DNAH11: variants seen among roughly 807,000 people sequenced by gnomAD.
The protein encoded by DNAH11 is dynein axonemal heavy chain 11.
In DNAH11, 442 loss-of-function variants were observed where a neutral mutation model predicts 526.0. The observed-to-expected ratio is 0.84, with a 90% CI of 0.78 to 0.91. The LOEUF is 0.91. Ranked by LOEUF, DNAH11 falls within the 40% of genes least tolerant of loss-of-function variation. DNAH11 has a pLI of 0.00. For synonymous variants in DNAH11, 2,461 were observed against 1,935.9 expected, an observed-to-expected ratio of 1.27 and a Z score of -7.12; for missense variants, 6,989 against 5,448.7, an observed-to-expected ratio of 1.28 and a Z score of -8.90.
chr7:21,621,908 C>T (rs148124372), intron 25 of DNAH11, among the ~76,000 whole-genome samples: 1,774 of 152,096 alleles, frequency 0.012, 73 homozygotes, highest in South Asian at 0.072. Flanking sequence ...AAAACTGGCA[C>T]GAGACAGGGA....
At chr7:21,601,255 T>G (rs1785072365) in intron 17 of DNAH11, 76 bp downstream of exon 17, 10 of 1,498,998 alleles carry the variant, frequency 6.7e-6, no homozygotes, top group Admixed American at 2.2e-5. Flanking sequence ...CTTTTAAGCG[T>G]ATTAATGTTG....
Position 21,620,166 on chromosome 7 carries a change from G to C in DNAH11, c.4500+88G>C, listed in dbSNP as rs1020487532. The stretch of plus-strand genomic sequence containing the variant: ...TATATAGGGTACCATGTGATGTTTT[G>C]ATGTATGTTTACAATGTGGAAAGAT... On this transcript the variant is annotated intron_variant, in intron 25 of 81. Transcript: ENST00000409508. 7.1e-6 allele frequency: 8 copies of C among 1,122,250 alleles called. No homozygotes were observed. The Admixed American group carries it at 1.4e-4, about 19-fold the overall frequency. 69.5% of individuals were successfully genotyped at this position (1,122,250 alleles called of 1,614,324 possible).
chr7:21,702,964 G>C (rs958016771), intron 37 of DNAH11, among the ~76,000 whole-genome samples, 162 bp downstream of exon 37: 2 of 152,146 alleles, frequency 1.3e-5, no homozygotes, highest in African/African-American at 4.8e-5. Flanking sequence ...CTTATAAGAG[G>C]TCACAAGTGG....
chr7:21,627,056 T>G (rs1198773556), intron 25 of DNAH11, among the ~76,000 whole-genome samples: 1 of 152,100 alleles, frequency 6.6e-6, no homozygotes, highest in Non-Finnish European at 1.5e-5. Flanking sequence ...CCTGTGTGTC[T>G]TCTTTTGAGA....
chr7:21,670,357 T>C (rs866653233), intron 30 of DNAH11, among the ~76,000 whole-genome samples: 2 of 152,140 alleles, frequency 1.3e-5, no homozygotes, highest in Non-Finnish European at 2.9e-5. Context: ...TAGAAATTTA[T>C]TGATTTTTAA....
At position 21,600,840 on chromosome 7, in the gene DNAH11, T is replaced by C. The variant is rs551896169; in HGVS notation, c.3165T>C (p.Tyr1055=). 19 of 1,613,972 alleles carry C rather than the reference T, an allele frequency of 1.2e-5. No individual in the cohort carries two copies. In the African/African-American group the frequency reaches 2.1e-4, roughly 18 times the overall value. Residue 1055 remains tyrosine (Y), a synonymous_variant, in exon 16 of 82, where the codon TAT becomes TAC. Transcript: ENST00000409508. ...AGTTTATGAAGCATTTTCTCTTGTA[T>C]GGCCATGCTGTGTCTTCCGATGAAA... ...RAEFMKHFLL[Y]GHAVSSDEMD...
Position 21,600,859 on chromosome 7 carries a change from G to A in DNAH11, c.3184G>A (p.Asp1062Asn), listed in dbSNP as rs371880343. The change falls in exon 16 of 82, where the codon GAT (aspartate) becomes AAT (asparagine). Residue 1062 changes from aspartate (D) to asparagine (N), a missense_variant. Transcript: ENST00000409508. The part of the protein sequence containing the change: ...FLLYGHAVSS[D>N]EMDAHANEEI... Reference sequence around the variant, plus strand: ...CTTGTATGGCCATGCTGTGTCTTCCGATGAAATGGATGCTCATGCAAATGA... The same window carrying A: ...CTTGTATGGCCATGCTGTGTCTTCCAATGAAATGGATGCTCATGCAAATGA... The A allele has an allele frequency of 1.9e-5, 31 of 1,613,810 alleles. No individual in the cohort carries two copies. The highest frequency in any genetic ancestry group is 4.5e-5 in the East Asian group (2 of 44,886).
At chr7:21,727,572 A>G (rs1437390588) in intron 45 of DNAH11, among the ~76,000 whole-genome samples, 3 of 152,212 alleles carry the variant, frequency 2.0e-5, no homozygotes, top group Non-Finnish European at 4.4e-5. Context: ...AGATTCAGGT[A>G]TTCTTTGATC....
At chr7:21,617,261 A>T (rs1483267825) in intron 22 of DNAH11, among the ~76,000 whole-genome samples, 1 of 152,222 alleles carries the variant, frequency 6.6e-6, no homozygotes, top group Non-Finnish European at 1.5e-5. Context: ...ATTCCGAAGG[A>T]GGTCTTAGTA....
Position 21,750,311 on chromosome 7 carries a change from T to C in DNAH11, c.8887T>C (p.Ser2963Pro). ...AGTTCATGCTCTGGGCATGGTAGAC[T>C]CCAGGGAAAACTGTTGGAAATTCTT... Reference protein sequence around the residue: ...NEVHALGMVDSRENCWKFFMA... With the variant: ...NEVHALGMVDPRENCWKFFMA... Residue 2963 changes from serine to proline, a missense_variant, in exon 54 of 82, where the codon TCC becomes CCC. Transcript: ENST00000409508. 1 of 1,606,014 alleles carries C rather than the reference T, an allele frequency of 6.2e-7. No individual in the cohort carries two copies. Among genetic ancestry groups the C allele is most frequent in the Non-Finnish European group, 8.5e-7 (1 of 1,176,092 alleles).
intron 28 of DNAH11, among the ~76,000 whole-genome samples, chr7:21,642,257 A>G (rs939236224): frequency 5.5e-5 from 7 of 127,554 alleles, no homozygotes; most frequent in African/African-American, 1.2e-4. Context: ...AAGGTCTATC[A>G]TTAGAAGTGT....
intron 48 of DNAH11, among the ~76,000 whole-genome samples, chr7:21,740,231 A>G (rs992808420): frequency 6.6e-6 from 1 of 152,172 alleles, no homozygotes; most frequent in Non-Finnish European, 1.5e-5. Flanking sequence ...TGTAAAATAC[A>G]TGTTACAAAA....
Position 21,700,694 on chromosome 7 carries a change from G to A in DNAH11, c.6181-2016G>A, listed in dbSNP as rs191130729. Reference sequence around the variant, plus strand: ...CTGCAGCACTATTTACAGTAGCAAAGACTTGGAACCAACCCAAATGGCCAT... The same window carrying A: ...CTGCAGCACTATTTACAGTAGCAAAAACTTGGAACCAACCCAAATGGCCAT... On this transcript the variant is annotated intron_variant, in intron 36 of 81. Transcript: ENST00000409508. 1.3e-3 allele frequency among the ~76,000 whole-genome samples: 192 copies of A among 152,198 alleles called. 2 individuals are homozygous for A. In the Middle Eastern group the frequency reaches 0.014, roughly 11 times the overall value.
chr7:21,629,347 C>T (rs1405569749), intron 25 of DNAH11, among the ~76,000 whole-genome samples: 1 of 151,988 alleles, frequency 6.6e-6, no homozygotes, highest in African/African-American at 2.4e-5. Flanking sequence ...CTGGAGAATC[C>T]ATGTGCTGAC....
intron 61 of DNAH11, among the ~76,000 whole-genome samples, chr7:21,793,898 G>C (rs73277735): frequency 0.015 from 2,231 of 152,236 alleles, 63 homozygotes; most frequent in African/African-American, 0.05. Context: ...TTGAACTCCA[G>C]TGACTGTTAG....
intron 62 of DNAH11, among the ~76,000 whole-genome samples, chr7:21,802,950 T>TATA (rs1789061406): frequency 6.7e-6 from 1 of 149,322 alleles, no homozygotes; most frequent in East Asian, 1.9e-4. Flanking sequence ...ATATATATAA[T>TATA]ATATATATAT....
At chr7:21,613,934 A>ATTTTTTTTTTT (rs575437991) in intron 20 of DNAH11, among the ~76,000 whole-genome samples, 1 of 142,802 alleles carries the variant, frequency 7.0e-6, no homozygotes, top group Non-Finnish European at 1.5e-5. Flanking sequence ...TGCCCAGCTA[A>ATTTTTTTTTTT]TTTTTTTTTT....
chr7:21,726,027 A>G (rs1583631434), intron 45 of DNAH11, 43 bp downstream of exon 45: 3 of 1,465,050 alleles, frequency 2.0e-6, no homozygotes, highest in African/African-American at 2.9e-5. Flanking sequence ...CTGTTTTCAT[A>G]TTGCTATAAA....
Position 21,591,039 on chromosome 7 carries a change from AAAAAAAAGATACTAGGGCCTATT to A in DNAH11, c.2274+19_2274+41del. The A allele has an allele frequency of 7.0e-7, 1 of 1,435,752 alleles. No individual in the cohort carries two copies. Among genetic ancestry groups the A allele is most frequent in the South Asian group, 1.6e-5 (1 of 63,884 alleles). The allele number at this position is 1,435,752 out of a possible 1,614,324, so 88.9% of individuals were successfully genotyped here. ...ATTTTAAAGGTTTGTGATTTTTGTT[AAAAAAAAGATACTAGGGCCTATT>A]ATGAATATAAATATTTTGAATTTTA... On this transcript the variant is annotated intron_variant, in intron 13 of 81. Transcript: ENST00000409508.
Sources: allele counts gnomAD v4.1 joint callset (sites outside exome capture counted in the v4.1 genomes callset), GRCh38; gene constraint gnomAD v4.1.1; transcripts MANE v1.5; gene names NCBI Gene and HGNC (gene_info 2026-07-23, HGNC 2026-07-21).